MYT1L: variants seen among roughly 807,000 people sequenced by gnomAD.
MYT1L encodes the protein myelin transcription factor 1 like.
In MYT1L, 12 loss-of-function variants were observed where a neutral mutation model predicts 126.7. That is an observed-to-expected ratio of 0.09 (90% confidence interval 0.06 to 0.15). The LOEUF is 0.15. Ranked by LOEUF, MYT1L falls within the 10% of genes least tolerant of loss-of-function variation. The probability of loss-of-function intolerance (pLI) is 1.00; values close to 1 mark genes in which losing one functional copy is unlikely to be tolerated. For missense variants in MYT1L, 979 were observed against 1,585.2 expected, an observed-to-expected ratio of 0.62 and a Z score of 6.49; for synonymous variants, 541 against 604.2, an observed-to-expected ratio of 0.90 and a Z score of 1.53.
At chr2:2,311,610 G>C (rs1432762399) in intron 1 of MYT1L, among the ~76,000 whole-genome samples, 1 of 152,194 alleles carries the variant, frequency 6.6e-6, no homozygotes, top group Non-Finnish European at 1.5e-5. Flanking sequence ...GTGAACAGGA[G>C]TGTTGTGCAT....
intron 11 of MYT1L, among the ~76,000 whole-genome samples, chr2:1,914,435 C>A (rs1262200846): frequency 6.6e-6 from 1 of 152,022 alleles, no homozygotes; most frequent in Non-Finnish European, 1.5e-5. Context: ...CCAAACTTCC[C>A]ATGTATGGAC....
chr2:1,795,602 T>C lies in MYT1L; in HGVS notation c.3277-3138A>G, dbSNP rs2033296776. Reference sequence around the variant, plus strand: ...CGCAGGGAGGGGCCTGTGTCGCGAGTGGGTGTGGGGGCCTGGCTGGGAGCT... The same window carrying C: ...CGCAGGGAGGGGCCTGTGTCGCGAGCGGGTGTGGGGGCCTGGCTGGGAGCT... On this transcript the variant is annotated intron_variant, in intron 23 of 24. Coordinates refer to ENST00000647738, the MANE Select transcript of MYT1L (RefSeq NM_001303052.2). 3 of 152,252 alleles carry C rather than the reference T, an allele frequency of 2.0e-5. No individual in the cohort carries two copies. The South Asian group carries it at 6.2e-4, about 32-fold the overall frequency. 9.4% of individuals were successfully genotyped at this position (152,252 alleles called of 1,614,324 possible).
chr2:2,322,518 C>A (rs1157333036), intron 1 of MYT1L, among the ~76,000 whole-genome samples: 2 of 151,880 alleles, frequency 1.3e-5, no homozygotes, highest in African/African-American at 4.8e-5. Context: ...TGCTCCACAG[C>A]CTGAGAACAA....
At chr2:2,039,822 G>C (rs2067325959) in intron 4 of MYT1L, among the ~76,000 whole-genome samples, 1 of 152,160 alleles carries the variant, frequency 6.6e-6, no homozygotes, top group South Asian at 2.1e-4. Context: ...ACTTGGGAAG[G>C]AGCCAGGAAG....
At chr2:1,844,402 A>C (rs2042229446) in intron 19 of MYT1L, among the ~76,000 whole-genome samples, 1 of 152,194 alleles carries the variant, frequency 6.6e-6, no homozygotes. Context: ...TGGAATTAGA[A>C]CTTGTTCAGT....
chr2:2,019,155 A>G (rs1022687155), intron 4 of MYT1L, among the ~76,000 whole-genome samples: 1 of 152,158 alleles, frequency 6.6e-6, no homozygotes, highest in Admixed American at 6.5e-5. Flanking sequence ...TGTAGCTCTC[A>G]TAATTCTCAT....
chr2:2,214,803 T>C (rs931878335), intron 2 of MYT1L, among the ~76,000 whole-genome samples: 1 of 152,184 alleles, frequency 6.6e-6, no homozygotes, highest in Non-Finnish European at 1.5e-5. Flanking sequence ...AGTAACTGTA[T>C]GGATAAATGC....
intron 1 of MYT1L, among the ~76,000 whole-genome samples, chr2:2,294,832 G>A (rs1274671981): frequency 6.6e-6 from 1 of 152,216 alleles, no homozygotes; most frequent in Non-Finnish European, 1.5e-5. Flanking sequence ...GCAGGGTATT[G>A]TAGAAGACAT....
intron 2 of MYT1L, among the ~76,000 whole-genome samples, chr2:2,275,852 C>T (rs73179776): frequency 0.022 from 3,340 of 152,266 alleles, 115 homozygotes; most frequent in African/African-American, 0.076. Flanking sequence ...CACACCTCCA[C>T]GCCTTGTTCT....
At chr2:1,975,527 G>A (rs28605906) in intron 8 of MYT1L, among the ~76,000 whole-genome samples, 7,234 of 152,170 alleles carry the variant, frequency 0.048, 297 homozygotes, top group African/African-American at 0.11. Flanking sequence ...TTAGGAGTTC[G>A]AGACCATCCT....
intron 2 of MYT1L, among the ~76,000 whole-genome samples, chr2:2,206,327 CT>C (rs1275444910): frequency 2.6e-5 from 4 of 152,150 alleles, no homozygotes; most frequent in African/African-American, 9.7e-5. Flanking sequence ...TACCATTCAC[CT>C]TTTTCTTTTA....
intron 2 of MYT1L, among the ~76,000 whole-genome samples, chr2:2,183,377 G>A (rs185921126): frequency 2.0e-5 from 3 of 152,240 alleles, no homozygotes; most frequent in East Asian, 3.9e-4. Context: ...CGGGAGGGGA[G>A]GAGAGAAAGG....
intron 21 of MYT1L, among the ~76,000 whole-genome samples, chr2:1,823,506 G>A (rs368653633): frequency 1.4e-4 from 21 of 152,202 alleles, no homozygotes; most frequent in African/African-American, 4.8e-4. Flanking sequence ...CAGCCTCTGA[G>A]CAGCTCCCCC....
chr2:2,249,805 T>C (rs374785228), intron 2 of MYT1L, among the ~76,000 whole-genome samples: 7 of 152,066 alleles, frequency 4.6e-5, no homozygotes, highest in Non-Finnish European at 8.8e-5. Flanking sequence ...CCAGAACATA[T>C]ATAAAGCTCA....
intron 3 of MYT1L, among the ~76,000 whole-genome samples, chr2:2,086,021 T>C (rs2076320556): frequency 6.6e-6 from 1 of 152,360 alleles, no homozygotes; most frequent in South Asian, 2.1e-4. Context: ...ACAATGGTTA[T>C]TGTTTCTGTT....
Position 2,071,760 on chromosome 2 carries a change from G to A in MYT1L, c.-303-17637C>T, listed in dbSNP as rs188253635. Among the ~76,000 whole-genome samples the A allele has an allele frequency of 7.6e-4, 116 of 152,262 alleles. 1 individual carries two copies. The highest frequency in any genetic ancestry group is 2.6e-3 in the African/African-American group (110 of 41,554). ...TTTGAAAATCACTTTGGCTGGAATG[G>A]GGGAATTGATAAGGGGAATGACGTC... On this transcript the variant is annotated intron_variant, in intron 3 of 24. Coordinates refer to ENST00000647738, the MANE Select transcript of MYT1L (RefSeq NM_001303052.2).
At chr2:1,953,772 T>G (rs115255471) in intron 8 of MYT1L, among the ~76,000 whole-genome samples, 2,532 of 152,286 alleles carry the variant, frequency 0.017, 31 homozygotes, top group South Asian at 0.058. Flanking sequence ...AGCATCTGCT[T>G]TTCACGAAAT....
chr2:1,839,119 A>T, intron 21 of MYT1L, 30 bp downstream of exon 21: 3 of 1,572,376 alleles, frequency 1.9e-6, no homozygotes, highest in Non-Finnish European at 2.6e-6. Flanking sequence ...GCACCATCCC[A>T]GCCAGGGTCC....
chr2:2,276,324 G>A (rs1559526361), intron 2 of MYT1L, among the ~76,000 whole-genome samples: 1 of 152,134 alleles, frequency 6.6e-6, no homozygotes, highest in Non-Finnish European at 1.5e-5. Context: ...GCTCAACCAG[G>A]ACCATGACAG....
Sources: gnomAD v4.1 joint callset for allele counts (sites outside exome capture counted in the v4.1 genomes callset) on GRCh38, gnomAD v4.1.1 for gene constraint, MANE v1.5 for transcripts, NCBI Gene and HGNC (gene_info 2026-07-23, HGNC 2026-07-21) for gene names.